Variants in UTRN observed in about 807,000 individuals in gnomAD.
The protein encoded by UTRN is utrophin.
A neutral mutation model predicts 463.9 loss-of-function variants in UTRN; 283 were observed. The observed-to-expected ratio is 0.61, with a 90% CI of 0.55 to 0.67. The LOEUF is 0.67. Among genes scored for constraint, UTRN ranks in the 30% least tolerant of loss-of-function variants. The pLI is 0.00. For synonymous variants in UTRN, 1,442 were observed against 1,431.5 expected (o/e 1.01, Z -0.17); for missense variants, 3,922 against 4,084.3 (o/e 0.96, Z 1.08).
chr6:144,834,969 G>T (rs981945688), intron 69 of UTRN, among the ~76,000 whole-genome samples: 1 of 152,206 alleles, frequency 6.6e-6, no homozygotes, highest in Non-Finnish European at 1.5e-5. Context: ...TGCCCTGCTA[G>T]TATTAGCCAG....
rs1014784450 is a variant in UTRN, at chr6:144,458,620, A to G, written c.2285-150A>G. 3.8e-6 allele frequency: 3 copies of G among 793,204 alleles called. No homozygotes were observed. The Admixed American group carries it at 1.0e-4, about 27-fold the overall frequency. The allele number at this position is 793,204 out of a possible 1,614,324, so 49.1% of individuals were successfully genotyped here. A position where few individuals can be genotyped will look rare whatever the true frequency, so the allele number is the denominator to read the frequency against. On this transcript the variant is annotated intron_variant, in intron 19 of 74. Transcript: ENST00000367545. ...TCATTATTTTTAAGTGCATCATTAT[A>G]AATTTTTGTTGTTGTATTAAAAGGG...
At chr6:144,499,726 A>G (rs1307781716) in intron 34 of UTRN, among the ~76,000 whole-genome samples, 2 of 152,182 alleles carry the variant, frequency 1.3e-5, no homozygotes, top group African/African-American at 4.8e-5. Context: ...GGTAGTGAGC[A>G]TAGTACCCAC....
At chr6:144,438,243 G>A (rs1188065423) in intron 11 of UTRN, among the ~76,000 whole-genome samples, 1 of 152,178 alleles carries the variant, frequency 6.6e-6, no homozygotes, top group East Asian at 1.9e-4. Flanking sequence ...TCCAGCCTGG[G>A]TAACAAAGTG....
At chr6:144,816,570 T>G (rs545519827) in intron 65 of UTRN, among the ~76,000 whole-genome samples, 19 of 152,232 alleles carry the variant, frequency 1.2e-4, no homozygotes, top group African/African-American at 4.6e-4. Flanking sequence ...TGGCTGTCTC[T>G]GGATGGTCAA....
rs530250795 is a variant in UTRN, at chr6:144,663,017, G to T, written c.7480-15389G>T. ...GGATTGTAGTTTCCCAGCACAGGCA[G>T]GATGGGCAATTTCTTACATTGGGTA... On this transcript the variant is annotated intron_variant, in intron 51 of 74. Transcript: ENST00000367545. Among the ~76,000 whole-genome samples the T allele has an allele frequency of 2.0e-5, 3 of 152,290 alleles. No individual in the cohort carries two copies. The East Asian group carries it at 5.8e-4, about 29-fold the overall frequency.
At chr6:144,615,801 C>A (rs569269157) in intron 51 of UTRN, among the ~76,000 whole-genome samples, 9 of 152,190 alleles carry the variant, frequency 5.9e-5, no homozygotes, top group African/African-American at 2.2e-4. Context: ...GAAGCAAATA[C>A]ATAACATGAC....
At chr6:144,732,261 C>CATATATATATATACACATATATATATAT (rs1562832840) in intron 54 of UTRN, among the ~76,000 whole-genome samples, 2 of 122,662 alleles carry the variant, frequency 1.6e-5, no homozygotes, top group African/African-American at 6.6e-5. Context: ...TATATATACA[C>CATATATATATATACACATATATATATAT]ACATATATAT....
intron 3 of UTRN, among the ~76,000 whole-genome samples, chr6:144,418,266 T>C (rs992642928): frequency 6.7e-6 from 1 of 149,476 alleles, no homozygotes; most frequent in Non-Finnish European, 1.5e-5. Context: ...CAGGCTGGAG[T>C]GCAGTGGCGT....
chr6:144,686,315 T>C (rs533285536), intron 52 of UTRN, among the ~76,000 whole-genome samples: 3 of 152,286 alleles, frequency 2.0e-5, no homozygotes, highest in South Asian at 2.1e-4. Flanking sequence ...TGTGGCCTTA[T>C]GTATTTTGGA....
intron 65 of UTRN, among the ~76,000 whole-genome samples, chr6:144,815,212 A>G (rs1778972209): frequency 6.6e-6 from 1 of 152,246 alleles, no homozygotes; most frequent in African/African-American, 2.4e-5. Flanking sequence ...ATAGGAAACC[A>G]TTTCATGATA....
At chr6:144,700,329 T>G in intron 53 of UTRN, 86 bp downstream of exon 53, 1 of 1,417,754 alleles carries the variant, frequency 7.1e-7, no homozygotes, top group South Asian at 1.7e-5. Flanking sequence ...AGTATCAGAG[T>G]TGAACCAATT....
At chr6:144,700,277 C>G in intron 53 of UTRN, 34 bp downstream of exon 53, 1 of 1,561,636 alleles carries the variant, frequency 6.4e-7, no homozygotes, top group South Asian at 1.2e-5. Context: ...TCGCTTAATT[C>G]AAATTCTAGT....
Position 144,577,236 on chromosome 6 carries a change from A to C in UTRN, c.7427A>C (p.Glu2476Ala), listed in dbSNP as rs1801525902. Residue 2476 changes from glutamate to alanine, a missense_variant, in exon 51 of 75, where the codon GAG becomes GCG. Physicochemically the swap from Glu to Ala is moderately radical, Grantham distance 107 (BLOSUM62 -1). Coordinates refer to ENST00000367545, the MANE Select transcript of UTRN (RefSeq NM_007124.3). ...GTGCTTGTGGATGCCTCTCATCGGG[A>C]GAATGCTCTTCAGGATAGTATCTTG... ...VNVLVDASHR[E>A]NALQDSILAR... 6.2e-7 allele frequency: 1 copy of C among 1,613,942 alleles called. No individual in the cohort carries two copies. The highest frequency in any genetic ancestry group is 8.5e-7 in the Non-Finnish European group (1 of 1,179,896).
intron 34 of UTRN, among the ~76,000 whole-genome samples, chr6:144,503,253 T>G (rs1794376617): frequency 1.3e-5 from 2 of 152,086 alleles, no homozygotes; most frequent in African/African-American, 4.8e-5. Context: ...CTCTTTAGTT[T>G]ATAGATCTTA....
chr6:144,402,527 A>G (rs1003192759), intron 2 of UTRN, among the ~76,000 whole-genome samples: 1 of 152,140 alleles, frequency 6.6e-6, no homozygotes, highest in South Asian at 2.1e-4. Context: ...AAAACGGATA[A>G]TGGTTTTAAA....
intron 2 of UTRN, among the ~76,000 whole-genome samples, chr6:144,313,302 T>A (rs1425062373): frequency 6.6e-6 from 1 of 151,910 alleles, no homozygotes; most frequent in Non-Finnish European, 1.5e-5. Flanking sequence ...GAAATATGGC[T>A]TGTGCTGAGC....
chr6:144,546,816 AAAC>A (rs542592514), intron 46 of UTRN, among the ~76,000 whole-genome samples: 75 of 126,194 alleles, frequency 5.9e-4, no homozygotes, highest in African/African-American at 2.9e-3. Context: ...CTCAAAGAAA[AAAC>A]AAACAAACAA....
At chr6:144,807,035 T>G (rs1778210885) in intron 65 of UTRN, among the ~76,000 whole-genome samples, 1 of 152,164 alleles carries the variant, frequency 6.6e-6, no homozygotes, top group Non-Finnish European at 1.5e-5. Context: ...GTGAATTTGT[T>G]TGGTACAGTG....
At chr6:144,675,316 G>A (rs1463587454) in intron 51 of UTRN, among the ~76,000 whole-genome samples, 1 of 152,180 alleles carries the variant, frequency 6.6e-6, no homozygotes, top group African/African-American at 2.4e-5. Flanking sequence ...TCTGTCCTCA[G>A]GTCTCCCAGC....
Sources: allele counts gnomAD v4.1 joint callset (sites outside exome capture counted in the v4.1 genomes callset), GRCh38; gene constraint gnomAD v4.1.1; transcripts MANE v1.5; gene names NCBI Gene and HGNC (gene_info 2026-07-23, HGNC 2026-07-21).